The following POLR3GL variants were observed in gnomAD, a reference collection of about 807,000 sequenced individuals.
POLR3GL encodes DNA-directed RNA polymerase III subunit RPC7-like.
POLR3GL carries 26 observed loss-of-function variants against 32.4 expected under a neutral mutation model. That is an observed-to-expected ratio of 0.80 (90% CI 0.59 to 1.11). POLR3GL has a LOEUF of 1.11. Ranked by LOEUF, POLR3GL falls within the 50% of genes most tolerant of loss-of-function variation. POLR3GL has a pLI of 0.00. For synonymous variants in POLR3GL, 95 were observed against 98.7 expected (o/e 0.96, Z 0.22); for missense variants, 229 against 280.1 (o/e 0.82, Z 1.30).
In POLR3GL at chr1:145,975,432, G is replaced by A. The variant is rs1200309356; in HGVS notation, c.252G>A (p.Lys84=). ...ACTTCATCCGGCCAGCTGTCCCCAAGAGAGGTCAGTTGGAATGCTAGCATC... is the reference window on the plus strand; with the variant it reads ...ACTTCATCCGGCCAGCTGTCCCCAAAAGAGGTCAGTTGGAATGCTAGCATC... ...LPYFIRPAVP[K]RDVERYSDKY... The change falls in exon 3 of 8, where the codon AAG becomes AAA. Residue 84 remains lysine, a synonymous_variant. Transcript: ENST00000369314. 2 of 1,613,528 alleles carry A rather than the reference G, an allele frequency of 1.2e-6. No homozygotes were observed. Among genetic ancestry groups the A allele is most frequent in the Middle Eastern group, 1.6e-4 (1 of 6,082 alleles).
At chr1:145,971,619 A>G in intron 1 of POLR3GL, among the ~76,000 whole-genome samples, 1 of 152,116 alleles carries the variant, frequency 6.6e-6, no homozygotes, top group East Asian at 1.9e-4. Context: ...ATCTGGTTGA[A>G]GTAGTGTTTT....
At chr1:145,968,761 CG>C (rs1209327230) in intron 1 of POLR3GL, among the ~76,000 whole-genome samples, 4 of 151,704 alleles carry the variant, frequency 2.6e-5, no homozygotes, top group African/African-American at 9.7e-5. Context: ...TTAGTAGAGA[CG>C]GGGTTTCACT....
chr1:145,976,702 C>G (rs1650570556), intron 3 of POLR3GL, among the ~76,000 whole-genome samples: 1 of 151,648 alleles, frequency 6.6e-6, no homozygotes, highest in Non-Finnish European at 1.5e-5. Context: ...ATCACGAGGT[C>G]AGGAGATTGA....
rs1283134698 is a variant in POLR3GL at position 145,975,453 on chromosome 1, G to A, written c.256+17G>A. The A allele has an allele frequency of 1.2e-6, 2 of 1,611,566 alleles. No individual in the cohort carries two copies. Among genetic ancestry groups the A allele is most frequent in the Non-Finnish European group, 1.7e-6 (2 of 1,177,898 alleles). The stretch of plus-strand genomic sequence containing the variant: ...CCAAGAGAGGTCAGTTGGAATGCTA[G>A]CATCATATTCTGAGTGCCTTCCATG... On this transcript the variant is annotated intron_variant, in intron 3 of 7. Transcript: ENST00000369314.
chr1:145,968,255 A>G (rs1415919104), intron 1 of POLR3GL, among the ~76,000 whole-genome samples: 2 of 152,232 alleles, frequency 1.3e-5, no homozygotes, highest in Non-Finnish European at 2.9e-5. Flanking sequence ...CTCCATCACA[A>G]TCTTTAATAG....
intron 1 of POLR3GL, among the ~76,000 whole-genome samples, chr1:145,970,875 CAAAA>C (rs35524546): frequency 7.6e-5 from 1 of 13,202 alleles, no homozygotes; most frequent in Non-Finnish European, 1.1e-4. Context: ...AACTCCATCT[CAAAA>C]AAAAAAAAAA....
chr1:145,975,549 T>C, intron 3 of POLR3GL, 113 bp downstream of exon 3: 1 of 1,185,104 alleles, frequency 8.4e-7, no homozygotes, highest in Non-Finnish European at 1.2e-6. Flanking sequence ...ACTGGGGAGA[T>C]CATAATAGTT....
intron 3 of POLR3GL, among the ~76,000 whole-genome samples, chr1:145,976,169 GGAGGCT>G (rs1189889944): frequency 6.6e-6 from 1 of 152,044 alleles, no homozygotes; most frequent in Non-Finnish European, 1.5e-5. Context: ...CAGCTACTCG[GGAGGCT>G]GAGGCTGAGG....
intron 1 of POLR3GL, among the ~76,000 whole-genome samples, chr1:145,966,789 A>C (rs182154371): frequency 7.9e-6 from 1 of 127,280 alleles, no homozygotes; most frequent in African/African-American, 5.1e-5. Flanking sequence ...AACTGTCTCA[A>C]AAAAAAAATA....
chr1:145,972,039 TAGAG>T (rs1201679187), intron 1 of POLR3GL, among the ~76,000 whole-genome samples: 29 of 128,556 alleles, frequency 2.3e-4, no homozygotes, highest in African/African-American at 5.1e-4. Flanking sequence ...TGTATATATA[TAGAG>T]AGAGAGAGAG....
chr1:145,968,879 C>A (rs1205465229), intron 1 of POLR3GL, among the ~76,000 whole-genome samples: 1 of 151,758 alleles, frequency 6.6e-6, no homozygotes, highest in Non-Finnish European at 1.5e-5. Flanking sequence ...CCAACAAATT[C>A]TTATTATTTC....
chr1:145,971,989 A>AATATATATATATATATATATATAT (rs1165893062), intron 1 of POLR3GL, among the ~76,000 whole-genome samples: 1 of 66,964 alleles, frequency 1.5e-5, no homozygotes, highest in African/African-American at 6.4e-5. Flanking sequence ...AAAAAAAAAA[A>AATATATATATATATATATATATAT]ATATATATAT....
At chr1:145,975,723 G>A (rs983432257) in intron 3 of POLR3GL, among the ~76,000 whole-genome samples, 7 of 152,104 alleles carry the variant, frequency 4.6e-5, no homozygotes, top group Non-Finnish European at 1.0e-4. Flanking sequence ...GTAAAATAGA[G>A]ATAGGGTGTC....
At chr1:145,966,949 T>G (rs1283275325) in intron 1 of POLR3GL, among the ~76,000 whole-genome samples, 1 of 152,210 alleles carries the variant, frequency 6.6e-6, no homozygotes, top group African/African-American at 2.4e-5. Flanking sequence ...GTATATCTGT[T>G]GATGTCTTTG....
In POLR3GL at chr1:145,978,571, T is replaced by C. The variant is rs1172831114; in HGVS notation, c.*124T>C. ...ATATAATCTGTCTGTTCCCTGGAGA[T>C]GGGAATAGAGGATGATGACAGTTTA... On this transcript the variant is annotated 3_prime_UTR_variant, in exon 8 of 8. Coordinates refer to ENST00000369314, the MANE Select transcript of POLR3GL (RefSeq NM_032305.3). The C allele has an allele frequency of 4.2e-6, 3 of 711,316 alleles. No individual in the cohort carries two copies. The highest frequency in any genetic ancestry group is 7.5e-6 in the Non-Finnish European group (3 of 397,506). The allele number at this position is 711,316 out of a possible 1,614,324, so 44.1% of individuals were successfully genotyped here.
intron 3 of POLR3GL, among the ~76,000 whole-genome samples, chr1:145,975,885 C>T (rs1650528092): frequency 6.6e-6 from 1 of 151,992 alleles, no homozygotes; most frequent in Non-Finnish European, 1.5e-5. Context: ...CAAGAGAATA[C>T]TGAAATCCTG....
rs782046138 is a variant in POLR3GL, at chr1:145,977,563, G to A, written c.382+24G>A. 14 of 1,609,396 alleles carry A rather than the reference G, an allele frequency of 8.7e-6. No individual in the cohort carries two copies. In the South Asian group the frequency reaches 1.4e-4, roughly 16 times the overall value. ...ACGTGAGTGTATCTGGAAAAAAGGA[G>A]GGAGAAGAGAGGTTTCCTTCATCAG... On this transcript the variant is annotated intron_variant, in intron 5 of 7. Transcript: ENST00000369314.
At chr1:145,967,805 C>T (rs1041674672) in intron 1 of POLR3GL, among the ~76,000 whole-genome samples, 5 of 152,136 alleles carry the variant, frequency 3.3e-5, no homozygotes, top group Non-Finnish European at 7.4e-5. Flanking sequence ...CTGCTATATC[C>T]ATAGAATCTA....
chr1:145,967,941 C>A (rs997032207), intron 1 of POLR3GL, among the ~76,000 whole-genome samples: 2 of 152,294 alleles, frequency 1.3e-5, no homozygotes, highest in Admixed American at 1.3e-4. Flanking sequence ...AAATAAATTA[C>A]CAGAGTTTTG....
Sources: allele counts gnomAD v4.1 joint callset (sites outside exome capture counted in the v4.1 genomes callset), GRCh38; gene constraint gnomAD v4.1.1; transcripts MANE v1.5; gene names NCBI Gene and HGNC (gene_info 2026-07-23, HGNC 2026-07-21).